The following MAPT variants were observed in gnomAD, a reference collection of about 807,000 sequenced individuals.
MAPT encodes the protein microtubule-associated protein tau.
Under a neutral mutation model 67.9 loss-of-function variants are expected in MAPT, and 34 were observed. The ratio of observed to expected loss-of-function variants is 0.50; its 90% CI spans 0.38 to 0.67. The LOEUF (loss-of-function observed/expected upper bound fraction) is 0.67, where lower values mean the gene tolerates loss of function less well. MAPT is among the 30% of genes least tolerant of loss of function. The pLI, the probability that MAPT is intolerant of heterozygous loss-of-function variation, is 0.00. For missense variants in MAPT, 881 were observed against 1,115.2 expected (o/e 0.79, Z 2.99); for synonymous variants, 456 against 464.5 (o/e 0.98, Z 0.23).
chr17:46,014,737 G>A (rs1346649112), intron 11 of MAPT, among the ~76,000 whole-genome samples: 2 of 152,182 alleles, frequency 1.3e-5, no homozygotes, highest in Non-Finnish European at 1.5e-5. Flanking sequence ...AGCCGGGCGT[G>A]GTGGTGGGCG....
In MAPT at chr17:45,983,152, C is replaced by T. The variant is rs369182673; in HGVS notation, c.573C>T (p.Pro191=). The change falls in exon 5 of 13, where the codon CCC becomes CCT. Residue 191 remains proline (P), a synonymous_variant. Transcript: ENST00000262410. The part of the protein sequence containing the change: ...WAEKGPAFPK[P]ATTAYLHTEP... ...AGAAGGGTCCGGCCTTTCCGAAGCC[C>T]GCCACCACTGCGTATCTCCACACAG... The T allele has an allele frequency of 6.9e-6, 11 of 1,600,374 alleles. No individual in the cohort carries two copies. Among genetic ancestry groups the T allele is most frequent in the African/African-American group, 2.7e-5 (2 of 74,814 alleles).
At chr17:45,948,152 C>A (rs1009202440) in intron 1 of MAPT, among the ~76,000 whole-genome samples, 6 of 151,980 alleles carry the variant, frequency 3.9e-5, no homozygotes, top group Non-Finnish European at 7.4e-5. Flanking sequence ...ATTACAGGTG[C>A]CTGCCACCAC....
At chr17:45,947,214 G>A (rs1444445956) in intron 1 of MAPT, among the ~76,000 whole-genome samples, 94 of 151,796 alleles carry the variant, frequency 6.2e-4, no homozygotes, top group Admixed American at 6.2e-3. Flanking sequence ...TGTGCTGGGC[G>A]CCACTTGTGG....
At chr17:46,019,579 G>A (rs905643172) in intron 12 of MAPT, among the ~76,000 whole-genome samples, 2 of 151,850 alleles carry the variant, frequency 1.3e-5, no homozygotes, top group Non-Finnish European at 2.9e-5. Context: ...ACGTTGCCCA[G>A]GCTGGTCTTG....
chr17:45,936,480 T>G (rs2067339277), intron 1 of MAPT, among the ~76,000 whole-genome samples: 1 of 152,256 alleles, frequency 6.6e-6, no homozygotes, highest in African/African-American at 2.4e-5. Flanking sequence ...CATTCTGTGC[T>G]TTATAGCATG....
At chr17:45,948,002 GTTATTTTTTATTTAT>G (rs2068677566) in intron 1 of MAPT, among the ~76,000 whole-genome samples, 1 of 148,860 alleles carries the variant, frequency 6.7e-6, no homozygotes, top group Admixed American at 6.8e-5. Flanking sequence ...TTTTGTTGTT[GTTATTTTTTATTTAT>G]TTATTTTGAG....
chr17:45,988,495 G>A (rs1387515366), intron 6 of MAPT, among the ~76,000 whole-genome samples: 1 of 152,148 alleles, frequency 6.6e-6, no homozygotes, highest in East Asian at 1.9e-4. Flanking sequence ...CTGCATCCTG[G>A]TTCCAGGGCC....
rs1378723631 is a variant in MAPT, at chr17:45,915,441, A to G, written c.-18+20755A>G. On this transcript the variant is annotated intron_variant, in intron 1 of 12. Coordinates refer to ENST00000262410, the MANE Select transcript of MAPT (RefSeq NM_001377265.1). This position sits in a 1 kb window ranked among gnomAD's most constrained non-coding sequence, Gnocchi z 4.4. ...GCATGTGATGTGTGTGTGGTGTGTA[A>G]GCATGTGTGAGTGTGTATGTTTGAG... 7.4e-5 allele frequency among the ~76,000 whole-genome samples: 9 copies of G among 120,958 alleles called. No homozygotes were observed. Among genetic ancestry groups the G allele is most frequent in the Non-Finnish European group, 1.2e-4 (6 of 49,620 alleles). 79.4% of individuals were successfully genotyped at this position (120,958 alleles called of 152,430 possible). A position where few individuals can be genotyped will look rare whatever the true frequency, so the allele number is the denominator to read the frequency against.
intron 1 of MAPT, among the ~76,000 whole-genome samples, chr17:45,953,978 A>G (rs532361013): frequency 2.0e-5 from 3 of 152,316 alleles, no homozygotes; most frequent in South Asian, 2.1e-4. Flanking sequence ...GGAACATACA[A>G]TGATTCTTGC....
At chr17:45,987,762 A>C (rs2073702991) in intron 6 of MAPT, among the ~76,000 whole-genome samples, 1 of 152,222 alleles carries the variant, frequency 6.6e-6, no homozygotes, top group South Asian at 2.1e-4. Context: ...CTGCTCCCGG[A>C]AGTGCCTGCA....
chr17:45,926,758 CT>C (rs1181062895), intron 1 of MAPT, among the ~76,000 whole-genome samples: 2 of 152,092 alleles, frequency 1.3e-5, no homozygotes, highest in Non-Finnish European at 2.9e-5. Context: ...TATGCCCACC[CT>C]TTTATCTTGC....
chr17:46,005,083 C>G (rs2075319183), intron 9 of MAPT, among the ~76,000 whole-genome samples: 1 of 152,040 alleles, frequency 6.6e-6, no homozygotes, highest in South Asian at 2.1e-4. Flanking sequence ...CGTGCCCGGC[C>G]AGAAAAAAAC....
rs371173110 is a variant in MAPT at position 45,987,065 on chromosome 17, C to T, written c.1377C>T (p.Asp459=). Residue 459 remains aspartate, a synonymous_variant, in exon 6 of 13, where the codon GAC becomes GAT. Coordinates refer to ENST00000262410, the MANE Select transcript of MAPT (RefSeq NM_001377265.1). ...LKARMVSKSK[D]GTGSDDKKAK... ...CTCGCATGGTCAGTAAAAGCAAAGA[C>T]GGGACTGGAAGCGATGACAAAAAAG... The T allele has an allele frequency of 1.9e-5, 30 of 1,613,778 alleles. No individual in the cohort carries two copies. Among genetic ancestry groups the T allele is most frequent in the South Asian group, 1.2e-4 (11 of 91,076 alleles).
chr17:45,957,219 G>A (rs2069837040), intron 1 of MAPT, among the ~76,000 whole-genome samples: 1 of 152,118 alleles, frequency 6.6e-6, no homozygotes, highest in East Asian at 1.9e-4. Flanking sequence ...TACCAACAGT[G>A]TAAAAGTGTT....
intron 1 of MAPT, among the ~76,000 whole-genome samples, chr17:45,909,852 A>G (rs894221612): frequency 2.9e-5 from 4 of 140,234 alleles, no homozygotes; most frequent in Admixed American, 7.4e-5. Context: ...CCTGGTTGAC[A>G]GAGCAAGACT....
chr17:45,930,582 T>C (rs772214913), intron 1 of MAPT, among the ~76,000 whole-genome samples: 57 of 152,294 alleles, frequency 3.7e-4, no homozygotes, highest in South Asian at 1.2e-3. Flanking sequence ...AAGTCACTTG[T>C]CCCAGGCCAC....
At chr17:45,929,087 C>CT (rs111555239) in intron 1 of MAPT, among the ~76,000 whole-genome samples, 21,818 of 152,026 alleles carry the variant, frequency 0.14, 2,137 homozygotes, top group Middle Eastern at 0.22. Context: ...ACATTTAAAA[C>CT]TTTTTTTTAA....
At chr17:45,972,035 C>A in intron 3 of MAPT, 90 bp downstream of exon 3, 1 of 929,292 alleles carries the variant, frequency 1.1e-6, no homozygotes, top group Non-Finnish European at 1.7e-6. Context: ...TGCTGCTCCC[C>A]CTGGCTGAGA....
In MAPT at chr17:45,983,230, C is replaced by A. The variant is rs1343721029; in HGVS notation, c.651C>A (p.Pro217=). Residue 217 remains proline (P), a synonymous_variant, in exon 5 of 13, where the codon CCC becomes CCA. Transcript: ENST00000262410. Reference sequence around the variant, plus strand: ...AAGGCTTCCTCCGAGAGCCAGGCCCCCCAGGTCTGAGCCACCAGCTCATGT... The same window carrying A: ...AAGGCTTCCTCCGAGAGCCAGGCCCACCAGGTCTGAGCCACCAGCTCATGT... ...VQEGFLREPG[P]PGLSHQLMSG... 1 of 1,605,838 alleles carries A rather than the reference C, an allele frequency of 6.2e-7. No individual in the cohort carries two copies. The highest frequency in any genetic ancestry group is 1.7e-5 in the Admixed American group (1 of 58,986).
Sources: allele counts gnomAD v4.1 joint callset (sites outside exome capture counted in the v4.1 genomes callset), GRCh38; gene constraint gnomAD v4.1.1; non-coding constraint Gnocchi (gnomAD v3.1); transcripts MANE v1.5; gene names NCBI Gene and HGNC (gene_info 2026-07-23, HGNC 2026-07-21).